BIRC6: variants seen among roughly 807,000 people sequenced by gnomAD.
BIRC6 encodes dual E2 ubiquitin-conjugating enzyme/E3 ubiquitin-protein ligase BIRC6.
A neutral mutation model predicts 503.3 loss-of-function variants in BIRC6; 98 were observed. The ratio of observed to expected loss-of-function variants is 0.19; its 90% CI spans 0.17 to 0.23. BIRC6 has a LOEUF of 0.23. Ranked by LOEUF, BIRC6 falls within the 10% of genes least tolerant of loss-of-function variation. The pLI, the probability that BIRC6 is intolerant of heterozygous loss-of-function variation, is 1.00. For synonymous variants in BIRC6, 2,240 were observed against 2,078.7 expected (o/e 1.08, Z -2.11); for missense variants, 5,360 against 5,806.0 (o/e 0.92, Z 2.50).
chr2:32,398,640 T>C (rs1439547819), intron 6 of BIRC6, among the ~76,000 whole-genome samples: 1 of 152,256 alleles, frequency 6.6e-6, no homozygotes, highest in Non-Finnish European at 1.5e-5. Flanking sequence ...CACTTAAATT[T>C]ATAATGGTGG....
Position 32,499,667 on chromosome 2 carries a change from T to C in BIRC6, c.8589T>C (p.Val2863=), listed in dbSNP as rs1480489251. 6.2e-7 allele frequency: 1 copy of C among 1,613,948 alleles called. No homozygotes were observed. Among genetic ancestry groups the C allele is most frequent in the Non-Finnish European group, 8.5e-7 (1 of 1,179,860 alleles). The change falls in exon 46 of 74, where the codon GTT becomes GTC. Residue 2863 remains valine (V), a synonymous_variant. Transcript: ENST00000421745. Reference sequence around the variant, plus strand: ...CTATTTCTGCCGTGATAGAATCGGTTACATTTTTAGTGCACCACTATATCA... The same window carrying C: ...CTATTTCTGCCGTGATAGAATCGGTCACATTTTTAGTGCACCACTATATCA... The part of the protein sequence containing the change: ...VSTISAVIES[V]TFLVHHYITC...
intron 3 of BIRC6, among the ~76,000 whole-genome samples, chr2:32,383,203 C>T (rs1016608840): frequency 1.3e-5 from 2 of 151,568 alleles, no homozygotes; most frequent in South Asian, 2.1e-4. Context: ...CGTGCCACCA[C>T]GCCTGGCTAA....
chr2:32,576,464 A>C (rs542895437), intron 66 of BIRC6, among the ~76,000 whole-genome samples: 6 of 152,328 alleles, frequency 3.9e-5, no homozygotes. Flanking sequence ...TTCCTCAAAG[A>C]TGGCCTAATT....
At chr2:32,545,891 A>T (rs766050935) in intron 63 of BIRC6, 31 bp downstream of exon 63, 40 of 1,576,286 alleles carry the variant, frequency 2.5e-5, no homozygotes, top group South Asian at 6.7e-5. Context: ...TTCAGTTATT[A>T]AAAAAACTAG....
At chr2:32,391,543 T>C (rs1363655989) in intron 4 of BIRC6, among the ~76,000 whole-genome samples, 5 of 152,240 alleles carry the variant, frequency 3.3e-5, no homozygotes, top group African/African-American at 9.6e-5. Context: ...TAGAAAATCA[T>C]GTGCTAATTT....
chr2:32,590,866 G>A (rs1167122808), intron 66 of BIRC6: 3 of 985,706 alleles, frequency 3.0e-6, no homozygotes, highest in Non-Finnish European at 3.6e-6. Context: ...GGTAGCGGCC[G>A]TCGCTGATTG....
In BIRC6 at chr2:32,478,646, C is replaced by T; in HGVS notation, c.7080C>T (p.Arg2360=). Residue 2360 remains arginine, a synonymous_variant, in exon 36 of 74, where the codon CGC becomes CGT. Transcript: ENST00000421745. ...LLLFVCKVLA[R]IANATRPTIH... is the part of the protein sequence containing the mutation. ...AAAATGTATTACAGGTTCTTGCACG[C>T]ATTGCAAATGCCACGAGGCCAACTA... 2 of 1,610,482 alleles carry T rather than the reference C, an allele frequency of 1.2e-6. No homozygotes were observed. The highest frequency in any genetic ancestry group is 1.1e-5 in the South Asian group (1 of 90,148).
chr2:32,502,286 G>T (rs2053283882), intron 47 of BIRC6, among the ~76,000 whole-genome samples: 1 of 152,036 alleles, frequency 6.6e-6, no homozygotes, highest in African/African-American at 2.4e-5. Context: ...CATTAAAAGA[G>T]ATTAGGCTAA....
At chr2:32,414,205 A>T (rs1221674615) in intron 9 of BIRC6, among the ~76,000 whole-genome samples, 1 of 152,120 alleles carries the variant, frequency 6.6e-6, no homozygotes, top group African/African-American at 2.4e-5. Context: ...TGAACCTGGG[A>T]GGCGGAGGTT....
intron 53 of BIRC6, 52 bp from the exon 54 acceptor site, chr2:32,512,881 A>G: frequency 1.4e-6 from 2 of 1,411,410 alleles, no homozygotes; most frequent in Non-Finnish European, 2.0e-6. Context: ...TCTATATGAA[A>G]TGCCAATTGC....
chr2:32,525,987 G>GA (rs1391513001), intron 59 of BIRC6, among the ~76,000 whole-genome samples: 1 of 152,116 alleles, frequency 6.6e-6, no homozygotes, highest in Non-Finnish European at 1.5e-5. Flanking sequence ...AGAACTCTTA[G>GA]ACCACTGGTA....
At chr2:32,562,820 A>T (rs2059285933) in intron 65 of BIRC6, among the ~76,000 whole-genome samples, 4 of 152,152 alleles carry the variant, frequency 2.6e-5, no homozygotes. Flanking sequence ...TGAACATGTA[A>T]GTGTTTATTC....
chr2:32,504,522 C>A (rs905477920), intron 49 of BIRC6, among the ~76,000 whole-genome samples: 38 of 151,826 alleles, frequency 2.5e-4, no homozygotes, highest in African/African-American at 4.4e-4. Flanking sequence ...AAAAAATTAG[C>A]TGGGCGTGGT....
intron 71 of BIRC6, 100 bp from the exon 72 acceptor site, chr2:32,607,355 A>G: frequency 1.3e-6 from 1 of 785,984 alleles, no homozygotes; most frequent in East Asian, 2.7e-5. Flanking sequence ...AAATTTGTGG[A>G]AACACATATT....
At chr2:32,471,235 ACC>A in intron 32 of BIRC6, 111 bp downstream of exon 32, 1 of 1,364,616 alleles carries the variant, frequency 7.3e-7, no homozygotes, top group East Asian at 2.6e-5. Context: ...GCCTGGAGCT[ACC>A]AGCTGTATGT....
At chr2:32,538,507 C>T (rs2057410675) in intron 61 of BIRC6, among the ~76,000 whole-genome samples, 1 of 152,210 alleles carries the variant, frequency 6.6e-6, no homozygotes, top group Admixed American at 6.5e-5. Context: ...AAAATAGACT[C>T]TTCTAATAAA....
intron 37 of BIRC6, 120 bp from the exon 38 acceptor site, chr2:32,481,200 T>G (rs572900549): frequency 3.7e-6 from 2 of 545,966 alleles, no homozygotes; most frequent in South Asian, 4.9e-5. Context: ...ATACATAGAG[T>G]TTTTTTTTTT....
chr2:32,596,185 C>G (rs1379840802), intron 68 of BIRC6, among the ~76,000 whole-genome samples: 1 of 151,944 alleles, frequency 6.6e-6, no homozygotes, highest in African/African-American at 2.4e-5. Context: ...AACTTATTTG[C>G]TTTAAAAAAC....
intron 23 of BIRC6, among the ~76,000 whole-genome samples, chr2:32,462,405 A>G (rs2148847197): frequency 6.6e-6 from 1 of 152,336 alleles, no homozygotes; most frequent in South Asian, 2.1e-4. Context: ...TGGAAAATCA[A>G]AGAAATCTGT....
Sources: gnomAD v4.1 joint callset for allele counts (sites outside exome capture counted in the v4.1 genomes callset) on GRCh38, gnomAD v4.1.1 for gene constraint, MANE v1.5 for transcripts, NCBI Gene and HGNC (gene_info 2026-07-23, HGNC 2026-07-21) for gene names.